Variants in PPP1R12B observed in about 807,000 individuals in gnomAD.
PPP1R12B encodes protein phosphatase 1 regulatory subunit 12B, also known as myosin phosphatase target subunit 2.
Under a neutral mutation model 126.1 loss-of-function variants are expected in PPP1R12B, and 76 were observed. That is an observed-to-expected ratio of 0.60 (90% CI 0.50 to 0.73). The LOEUF (loss-of-function observed/expected upper bound fraction) is 0.73. Ranked by LOEUF, PPP1R12B falls within the 30% of genes least tolerant of loss-of-function variation. PPP1R12B has a pLI of 0.00. For synonymous variants in PPP1R12B, 356 were observed against 434.7 expected, an observed-to-expected ratio of 0.82 and a Z score of 2.25; for missense variants, 1,052 against 1,205.1, an observed-to-expected ratio of 0.87 and a Z score of 1.88.
chr1:202,381,744 G>C (rs1261686267), intron 1 of PPP1R12B, among the ~76,000 whole-genome samples: 1 of 152,104 alleles, frequency 6.6e-6, no homozygotes, highest in Non-Finnish European at 1.5e-5. Flanking sequence ...CTGTTAATAC[G>C]TAGCATGTTA....
chr1:202,549,929 C>T (rs1312992468), intron 18 of PPP1R12B, among the ~76,000 whole-genome samples: 2 of 152,116 alleles, frequency 1.3e-5, no homozygotes, highest in Non-Finnish European at 2.9e-5. Context: ...CGCTCCTATC[C>T]CATTTAGCCA....
At chr1:202,481,021 T>C (rs984637124) in intron 13 of PPP1R12B, among the ~76,000 whole-genome samples, 4 of 152,238 alleles carry the variant, frequency 2.6e-5, no homozygotes, top group African/African-American at 7.2e-5. Flanking sequence ...AAAACTGTTC[T>C]GCAGATCATC....
intron 1 of PPP1R12B, among the ~76,000 whole-genome samples, chr1:202,355,779 A>G (rs1484439362): frequency 6.6e-6 from 1 of 152,190 alleles, no homozygotes; most frequent in African/African-American, 2.4e-5. Context: ...GTGTAGTACA[A>G]TTCTAGCTTG....
chr1:202,411,680 C>A (rs1335863130), intron 1 of PPP1R12B, among the ~76,000 whole-genome samples: 1 of 151,898 alleles, frequency 6.6e-6, no homozygotes, highest in East Asian at 1.9e-4. Flanking sequence ...AAGGGCTTAT[C>A]TCCTTTAATC....
At chr1:202,477,526 T>C (rs186381795) in intron 13 of PPP1R12B, among the ~76,000 whole-genome samples, 375 of 152,248 alleles carry the variant, frequency 2.5e-3, no homozygotes, top group Non-Finnish European at 4.0e-3. Flanking sequence ...TATTCACTGG[T>C]GATTTGCTGG....
chr1:202,509,532 G>A (rs558659644), intron 18 of PPP1R12B, among the ~76,000 whole-genome samples: 45 of 152,240 alleles, frequency 3.0e-4, no homozygotes, highest in Non-Finnish European at 2.4e-4. Flanking sequence ...TTATAGTTGG[G>A]AATATATAAT....
chr1:202,580,948 T>C lies in PPP1R12B; in HGVS notation c.*388T>C, dbSNP rs1689517539. 5.2e-6 allele frequency: 1 copy of C among 191,090 alleles called. No homozygotes were observed. The allele number at this position is 191,090 out of a possible 1,614,324, so 11.8% of individuals were successfully genotyped here. On this transcript the variant is annotated 3_prime_UTR_variant, in exon 24 of 24. Coordinates refer to ENST00000608999, the MANE Select transcript of PPP1R12B (RefSeq NM_002481.4). ...AATCAGTATCCTTCAGCTTTTTACA[T>C]TAACCCAGTGTCCTCTGATATAGGT...
intron 1 of PPP1R12B, among the ~76,000 whole-genome samples, chr1:202,409,107 A>G (rs563745092): frequency 6.6e-6 from 1 of 151,900 alleles, no homozygotes; most frequent in South Asian, 2.1e-4. Context: ...CCAAAGTGCT[A>G]GAATTACAGG....
intron 18 of PPP1R12B, among the ~76,000 whole-genome samples, chr1:202,515,276 C>T (rs1338872934): frequency 1.3e-5 from 2 of 149,086 alleles, no homozygotes; most frequent in East Asian, 2.1e-4. Context: ...TTCACATGTA[C>T]CCCAGAACCT....
chr1:202,580,510 A>C lies in PPP1R12B; in HGVS notation c.2899A>C (p.Lys967Gln). 1 of 1,614,072 alleles carries C rather than the reference A, an allele frequency of 6.2e-7. No individual in the cohort carries two copies. Residue 967 changes from lysine (K) to glutamine (Q), a missense_variant, in exon 24 of 24, where the codon AAA becomes CAA. By Grantham distance (53) the Lys-to-Gln change is moderately conservative. Transcript: ENST00000608999. ...TELKSDNQRLKDENGALIRVI... is the reference protein window; with the variant it reads ...TELKSDNQRLQDENGALIRVI... Reference sequence around the variant, plus strand: ...ACTGAAATCCGACAACCAGAGGCTGAAAGATGAAAATGGTGCCCTCATCAG... The same window carrying C: ...ACTGAAATCCGACAACCAGAGGCTGCAAGATGAAAATGGTGCCCTCATCAG...
chr1:202,394,390 T>C (rs1443016249), intron 1 of PPP1R12B, among the ~76,000 whole-genome samples: 1 of 152,154 alleles, frequency 6.6e-6, no homozygotes, highest in East Asian at 1.9e-4. Context: ...GCAGGATATA[T>C]TGTAGTTAGA....
chr1:202,486,298 T>A (rs942628659), intron 13 of PPP1R12B, among the ~76,000 whole-genome samples: 8 of 152,088 alleles, frequency 5.3e-5, no homozygotes, highest in African/African-American at 1.4e-4. Flanking sequence ...TCAATAATTT[T>A]AAAAAATATT....
chr1:202,548,773 GCTGTCTCTCT>G (rs1231913522), intron 18 of PPP1R12B, among the ~76,000 whole-genome samples: 2,024 of 106,326 alleles, frequency 0.019, 31 homozygotes, highest in South Asian at 0.026. Context: ...TCACTCGCTC[GCTGTCTCTCT>G]CTCTCTCTCT....
At chr1:202,425,838 T>C (rs914669348) in intron 4 of PPP1R12B, 113 bp downstream of exon 4, 8 of 1,015,934 alleles carry the variant, frequency 7.9e-6, no homozygotes, top group Admixed American at 7.0e-5. Context: ...TTTTTGTTGG[T>C]TTCCTCTCTG....
intron 1 of PPP1R12B, among the ~76,000 whole-genome samples, chr1:202,376,499 CTG>C (rs758287990): frequency 1.1e-4 from 17 of 152,018 alleles, no homozygotes; most frequent in African/African-American, 3.9e-4. Context: ...TGGAAGCAAA[CTG>C]AAAGTATAAA....
rs373045650 is a variant in PPP1R12B, at chr1:202,355,302, G to A, written c.291+6160G>A. Among the ~76,000 whole-genome samples the A allele has an allele frequency of 3.9e-5, 6 of 152,280 alleles. No individual in the cohort carries two copies. The East Asian group carries it at 9.6e-4, about 24-fold the overall frequency. On this transcript the variant is annotated intron_variant, in intron 1 of 23. Transcript: ENST00000608999. ...TGGTAGATTGTAAGTCTGTACTAGA[G>A]TATATATGTGGTATAATTTCTGCCC...
At chr1:202,434,393 T>C (rs566824429) in intron 8 of PPP1R12B, among the ~76,000 whole-genome samples, 161 of 152,298 alleles carry the variant, frequency 1.1e-3, no homozygotes, top group Middle Eastern at 6.8e-3. Context: ...ATTTTATATA[T>C]GATATAATAA....
chr1:202,439,171 C>T, intron 10 of PPP1R12B: 1 of 1,575,000 alleles, frequency 6.3e-7, no homozygotes, highest in East Asian at 2.2e-5. Context: ...ACCTGGCGGC[C>T]TCGCAGCTGA....
intron 18 of PPP1R12B, among the ~76,000 whole-genome samples, chr1:202,555,904 C>T (rs1268273533): frequency 2.0e-5 from 3 of 147,938 alleles, no homozygotes; most frequent in Non-Finnish European, 3.0e-5. Flanking sequence ...GAGACAGAGT[C>T]TCACTCTGTC....
Sources: allele counts gnomAD v4.1 joint callset (sites outside exome capture counted in the v4.1 genomes callset), GRCh38; gene constraint gnomAD v4.1.1; transcripts MANE v1.5; gene names NCBI Gene and HGNC (gene_info 2026-07-23, HGNC 2026-07-21).